The following LSP1 variants were observed in gnomAD, a reference collection of about 807,000 sequenced individuals.
The protein encoded by LSP1 is lymphocyte specific protein 1.
In LSP1, 32 loss-of-function variants were observed where a neutral mutation model predicts 49.3. The observed-to-expected ratio is 0.65, with a 90% CI of 0.49 to 0.87. The LOEUF (loss-of-function observed/expected upper bound fraction) is 0.87, where lower values mean the gene tolerates loss of function less well. Ranked by LOEUF, LSP1 falls within the 40% of genes least tolerant of loss-of-function variation. The pLI is 0.00. For missense variants in LSP1, 428 were observed against 442.6 expected, an observed-to-expected ratio of 0.97 and a Z score of 0.30; for synonymous variants, 179 against 178.8, an observed-to-expected ratio of 1.00 and a Z score of -0.01.
rs770153360 is a variant in LSP1, at chr11:1,881,596, G to A, written c.356G>A (p.Arg119Lys). ...AGTCCTGAGGGGGAGCAAGAGGACA[G>A]GTGAGTGAGGGCCTCGAGGGCGGGC... The part of the protein sequence containing the change: ...CRSPEGEQED[R>K]PGLHAYEKED... The change falls in exon 3 of 11, where the codon AGG becomes AAG. Residue 119 changes from arginine (R) to lysine (K), a missense_variant and splice_region_variant. By Grantham distance (26) the Arg-to-Lys change is conservative. Transcript: ENST00000311604. 4.0e-6 allele frequency: 6 copies of A among 1,501,804 alleles called. No homozygotes were observed. The highest frequency in any genetic ancestry group is 5.3e-6 in the Non-Finnish European group (6 of 1,122,376). The allele number at this position is 1,501,804 out of a possible 1,614,324, so 93.0% of individuals were successfully genotyped here.
chr11:1,889,234 G>A (rs1022064223), intron 10 of LSP1: 93 of 674,658 alleles, frequency 1.4e-4, no homozygotes, highest in African/African-American at 6.0e-4. Flanking sequence ...GGAGGGGGCC[G>A]GGTGGCCTCC....
intron 10 of LSP1, chr11:1,890,082 A>G (rs1159542716): frequency 1.4e-6 from 1 of 715,778 alleles, no homozygotes; most frequent in South Asian, 1.5e-5. Context: ...AGAGACAGGG[A>G]CGAAGCCACT....
chr11:1,869,670 G>T, intron 1 of LSP1: 1 of 470,640 alleles, frequency 2.1e-6, no homozygotes, highest in Non-Finnish European at 4.4e-6. Context: ...CCAAAGACGG[G>T]CGGTAGGAGG....
At chr11:1,889,727 G>A in intron 10 of LSP1, 2 of 654,892 alleles carry the variant, frequency 3.1e-6, no homozygotes, top group South Asian at 1.7e-5. Flanking sequence ...CAGGGCCCAT[G>A]GGGACCAGGC....
chr11:1,889,957 C>T (rs1376840314), intron 10 of LSP1: 1 of 631,408 alleles, frequency 1.6e-6, no homozygotes. Flanking sequence ...GTGGCATCTC[C>T]ATCCTGGCTG....
chr11:1,867,836 C>T (rs573017522), intron 1 of LSP1, among the ~76,000 whole-genome samples: 142 of 151,894 alleles, frequency 9.3e-4, no homozygotes, highest in Non-Finnish European at 1.5e-3. Flanking sequence ...GCCCCCCACC[C>T]CTGCCCCAGC....
At chr11:1,891,052 G>C (rs979411354) in intron 10 of LSP1, 3 of 160,320 alleles carry the variant, frequency 1.9e-5, no homozygotes, top group African/African-American at 7.2e-5. Flanking sequence ...GGGGCGCCCT[G>C]TTGTCGCCGG....
At chr11:1,866,099 C>T (rs1023457829) in intron 1 of LSP1, among the ~76,000 whole-genome samples, 1 of 152,188 alleles carries the variant, frequency 6.6e-6, no homozygotes, top group Non-Finnish European at 1.5e-5. Context: ...TATCCCTCTG[C>T]ACCGTCAGCC....
intron 8 of LSP1, 44 bp downstream of exon 8, chr11:1,886,910 C>T: frequency 6.3e-7 from 1 of 1,591,968 alleles, no homozygotes; most frequent in Non-Finnish European, 8.6e-7. Context: ...AGAGCCAGCG[C>T]CTGGGAGTTT....
intron 1 of LSP1, among the ~76,000 whole-genome samples, chr11:1,857,380 G>A (rs1008914438): frequency 2.4e-4 from 37 of 152,188 alleles, no homozygotes; most frequent in African/African-American, 7.7e-4. Context: ...CCTCTGCTCC[G>A]CTACCCTACG....
chr11:1,887,193 A>T, intron 8 of LSP1, 44 bp from the exon 9 acceptor site: 1 of 1,396,212 alleles, frequency 7.2e-7, no homozygotes. Flanking sequence ...ACTCCCCAAG[A>T]TCCAGGGGTC....
At chr11:1,870,481 G>A (rs529902467) in intron 1 of LSP1, 10 of 1,196,436 alleles carry the variant, frequency 8.4e-6, no homozygotes, top group Middle Eastern at 4.8e-4. Context: ...GGGAGGGGCC[G>A]GTGGCCAGGC....
At chr11:1,855,515 G>T (rs1847466192) in intron 1 of LSP1, among the ~76,000 whole-genome samples, 1 of 152,232 alleles carries the variant, frequency 6.6e-6, no homozygotes, top group Non-Finnish European at 1.5e-5. Flanking sequence ...CCCTCAGACT[G>T]CCCGGGACGG....
rs1565079045 is a variant in LSP1, at chr11:1,873,837, G to GAGGGAGGCTGGCAGAGC, written c.54-6242_54-6241insTGGCAGAGCAGGGAGGC. 1.0e-3 allele frequency among the ~76,000 whole-genome samples: 117 copies of GAGGGAGGCTGGCAGAGC among 115,486 alleles called. 3 individuals carry two copies. Among genetic ancestry groups the GAGGGAGGCTGGCAGAGC allele is most frequent in the Middle Eastern group, 4.4e-3 (1 of 226 alleles). The allele number at this position is 115,486 out of a possible 152,430, so 75.8% of individuals were successfully genotyped here. On this transcript the variant is annotated intron_variant, in intron 1 of 10. Transcript: ENST00000311604. ...CAGCAGAGGAGGGAGGCCGGCAGAGGAGGGAGGCCGGCAGAGGAGGGAGGC... is the reference window on the plus strand; with the variant it reads ...CAGCAGAGGAGGGAGGCCGGCAGAGGAGGGAGGCTGGCAGAGCAGGGAGGCCGGCAGAGGAGGGAGGC...
In LSP1 at chr11:1,883,988, C is replaced by T. The variant is rs576282068; in HGVS notation, c.555C>T (p.Ile185=). 22 of 1,612,468 alleles carry T rather than the reference C, an allele frequency of 1.4e-5. No homozygotes were observed. In the Admixed American group the frequency reaches 1.5e-4, roughly 11 times the overall value. Residue 185 remains isoleucine, a synonymous_variant, in exon 5 of 11, where the codon ATC becomes ATT. Coordinates refer to ENST00000311604, the MANE Select transcript of LSP1 (RefSeq NM_002339.3). The part of the protein sequence containing the change: ...TPSPLVLEGT[I]EQSSPPLSPT... ...GCCCCTTGGTCTTGGAGGGGACCATCGAACAGAGCTCGCCTCCCCTGAGCC... is the reference window on the plus strand; with the variant it reads ...GCCCCTTGGTCTTGGAGGGGACCATTGAACAGAGCTCGCCTCCCCTGAGCC...
At chr11:1,871,648 C>T (rs1391353422) in intron 1 of LSP1, among the ~76,000 whole-genome samples, 2 of 152,190 alleles carry the variant, frequency 1.3e-5, no homozygotes, top group Non-Finnish European at 2.9e-5. Flanking sequence ...CTTTGGTCAG[C>T]GCTGTCTGCC....
At chr11:1,886,643 A>G in intron 7 of LSP1, 89 bp from the exon 8 acceptor site, 1 of 1,428,262 alleles carries the variant, frequency 7.0e-7, no homozygotes, top group South Asian at 1.4e-5. Flanking sequence ...AAACACAAAC[A>G]CAAAGCAGAC....
intron 2 of LSP1, 38 bp downstream of exon 2, chr11:1,880,262 CT>C: frequency 1.3e-6 from 2 of 1,534,080 alleles, no homozygotes; most frequent in Non-Finnish European, 1.8e-6. Flanking sequence ...GCTCTAGCCC[CT>C]ATCCGTGTAC....
At chr11:1,876,845 C>T (rs2133101416) in intron 1 of LSP1, among the ~76,000 whole-genome samples, 1 of 152,282 alleles carries the variant, frequency 6.6e-6, no homozygotes, top group South Asian at 2.1e-4. Context: ...AGGCATCCGT[C>T]AGAGTTCTGT....
Sources: gnomAD v4.1 joint callset for allele counts (sites outside exome capture counted in the v4.1 genomes callset) on GRCh38, gnomAD v4.1.1 for gene constraint, MANE v1.5 for transcripts, NCBI Gene and HGNC (gene_info 2026-07-23, HGNC 2026-07-21) for gene names.